Variants in WNT7A observed in about 807,000 individuals in gnomAD.
The protein encoded by WNT7A is Wnt family member 7A, also known as protein Wnt-7a.
Under a neutral mutation model 28.2 loss-of-function variants are expected in WNT7A, and 16 were observed. That is an observed-to-expected ratio of 0.57 (90% confidence interval 0.38 to 0.86). The LOEUF is 0.86. Among genes scored for constraint, WNT7A ranks in the 40% least tolerant of loss-of-function variants. The pLI is 0.00. For synonymous variants in WNT7A, 190 were observed against 195.9 expected (o/e 0.97, Z 0.25); for missense variants, 411 against 489.7 (o/e 0.84, Z 1.52).
intron 2 of WNT7A, among the ~76,000 whole-genome samples, chr3:13,862,881 G>C (rs1694853678): frequency 6.6e-6 from 1 of 152,208 alleles, no homozygotes; most frequent in African/African-American, 2.4e-5. Flanking sequence ...GCCTGCAATT[G>C]TCTTTCTTAT....
At chr3:13,863,913 G>A (rs1694871895) in intron 2 of WNT7A, 1 of 152,184 alleles carries the variant, frequency 6.6e-6, no homozygotes, top group Admixed American at 6.5e-5. Flanking sequence ...TTGGGGAGAG[G>A]AGAGAGCTGC....
chr3:13,832,958 C>T (rs1259056861), intron 3 of WNT7A, among the ~76,000 whole-genome samples: 1 of 152,134 alleles, frequency 6.6e-6, no homozygotes, highest in East Asian at 1.9e-4. Flanking sequence ...GATTCCTCTG[C>T]CTGGCTTTCA....
intron 3 of WNT7A, among the ~76,000 whole-genome samples, chr3:13,844,451 G>C (rs562664300): frequency 6.6e-6 from 1 of 152,312 alleles, no homozygotes; most frequent in East Asian, 1.9e-4. Flanking sequence ...ACCATGGCCT[G>C]GGGAGGCCCT....
At chr3:13,845,559 G>A (rs994313818) in intron 3 of WNT7A, among the ~76,000 whole-genome samples, 4 of 152,202 alleles carry the variant, frequency 2.6e-5, no homozygotes, top group Non-Finnish European at 5.9e-5. Flanking sequence ...TGTCCCTGGA[G>A]AAACTGAGGC....
chr3:13,846,809 C>T (rs2124850519), intron 3 of WNT7A, among the ~76,000 whole-genome samples: 1 of 152,282 alleles, frequency 6.6e-6, no homozygotes, highest in South Asian at 2.1e-4. Context: ...GGCTGCTCCA[C>T]TCATGGCTGA....
intron 3 of WNT7A, among the ~76,000 whole-genome samples, chr3:13,830,470 G>A (rs879353546): frequency 2.0e-5 from 3 of 152,152 alleles, no homozygotes; most frequent in Non-Finnish European, 2.9e-5. Context: ...TGAAACACGG[G>A]TCCATCATCC....
Position 13,854,791 on chromosome 3 carries a change from G to A in WNT7A, c.311C>T (p.Ala104Val), listed in dbSNP as rs1340349343. 1 of 1,612,816 alleles carries A rather than the reference G, an allele frequency of 6.2e-7. No individual in the cohort carries two copies. Among genetic ancestry groups the A allele is most frequent in the Non-Finnish European group, 8.5e-7 (1 of 1,180,038 alleles). The stretch of plus-strand genomic sequence containing the variant: ...GGCAATGATGGCGTAGGTGAACGCA[G>A]CCTCCCGGCTCCCTGCGAGGAGGAG... ...GKELKVGSRE[A>V]AFTYAIIAAG... is the part of the protein sequence containing the mutation. Residue 104 changes from alanine to valine, a missense_variant, in exon 3 of 4, where the codon GCT becomes GTT. Coordinates refer to ENST00000285018, the MANE Select transcript of WNT7A (RefSeq NM_004625.4).
intron 3 of WNT7A, among the ~76,000 whole-genome samples, chr3:13,826,176 G>T (rs757456121): frequency 6.6e-6 from 1 of 152,196 alleles, no homozygotes; most frequent in Admixed American, 6.5e-5. Flanking sequence ...TGCTGCTCCG[G>T]TTTTCTCTGA....
At chr3:13,819,583 C>T (rs1163626033) in intron 3 of WNT7A, among the ~76,000 whole-genome samples, 160 bp from the exon 4 acceptor site, 1 of 150,380 alleles carries the variant, frequency 6.6e-6, no homozygotes, top group Non-Finnish European at 1.5e-5. Context: ...GATTCTAGGC[C>T]CTCTCATTCC....
intron 3 of WNT7A, among the ~76,000 whole-genome samples, chr3:13,829,961 C>T (rs1007534036): frequency 9.9e-5 from 15 of 152,140 alleles, no homozygotes; most frequent in Non-Finnish European, 1.9e-4. Context: ...CTATTGCAAA[C>T]ACCCTCCCAG....
At chr3:13,823,283 C>T (rs888748357) in intron 3 of WNT7A, among the ~76,000 whole-genome samples, 4 of 152,200 alleles carry the variant, frequency 2.6e-5, no homozygotes, top group Non-Finnish European at 4.4e-5. Context: ...CTCTGTGCTT[C>T]AGTGTCAGGA....
chr3:13,869,269 AAAAG>A (rs1195163410), intron 2 of WNT7A, among the ~76,000 whole-genome samples: 1 of 144,012 alleles, frequency 6.9e-6, no homozygotes, highest in Non-Finnish European at 1.5e-5. Context: ...AGGGAGAAAG[AAAAG>A]AAAGGACGAG....
At chr3:13,823,336 C>A (rs1694142570) in intron 3 of WNT7A, among the ~76,000 whole-genome samples, 2 of 152,200 alleles carry the variant, frequency 1.3e-5, no homozygotes, top group Admixed American at 1.3e-4. Flanking sequence ...TGACACGGCT[C>A]CATGCAGCTT....
At chr3:13,832,391 T>C (rs1386064440) in intron 3 of WNT7A, among the ~76,000 whole-genome samples, 1 of 149,582 alleles carries the variant, frequency 6.7e-6, no homozygotes, top group Non-Finnish European at 1.5e-5. Flanking sequence ...CCTCCTCCTC[T>C]ACAGGCTCCT....
chr3:13,854,661 C>T lies in WNT7A; in HGVS notation c.441G>A (p.Trp147Ter), dbSNP rs1483590773. 1 of 1,614,190 alleles carries T rather than the reference C, an allele frequency of 6.2e-7. No homozygotes were observed. Among genetic ancestry groups the T allele is most frequent in the Non-Finnish European group, 8.5e-7 (1 of 1,180,034 alleles). The part of the protein sequence containing the change: ...KQGQYHRDEG[W>*]KWGGCSADIR... ...TGTCGGCAGAGCAGCCACCCCACTT[C>T]CAGCCCTCGTCCCGGTGGTACTGGC... is the stretch of plus-strand genomic sequence containing the variant. The change falls in exon 3 of 4, where the codon TGG (tryptophan) becomes TGA (stop). Residue 147 changes from tryptophan (W) to a stop codon, truncating the protein, a stop_gained. Transcript: ENST00000285018. LOFTEE classifies it high-confidence loss of function.
chr3:13,871,748 CA>C (rs1695029006), intron 2 of WNT7A, among the ~76,000 whole-genome samples: 1 of 152,168 alleles, frequency 6.6e-6, no homozygotes, highest in Non-Finnish European at 1.5e-5. Context: ...TCCAGACCCC[CA>C]CTGCCACCCT....
At chr3:13,873,506 G>C (rs1695056620) in intron 2 of WNT7A, among the ~76,000 whole-genome samples, 1 of 152,096 alleles carries the variant, frequency 6.6e-6, no homozygotes, top group Non-Finnish European at 1.5e-5. Context: ...GTTCTGTAAG[G>C]TGCAAATAAG....
chr3:13,825,536 C>G (rs1319270539), intron 3 of WNT7A, among the ~76,000 whole-genome samples: 1 of 152,224 alleles, frequency 6.6e-6, no homozygotes, highest in Non-Finnish European at 1.5e-5. Flanking sequence ...CCCACCATGG[C>G]TGACTTTAAG....
At chr3:13,839,118 C>T (rs1208502432) in intron 3 of WNT7A, among the ~76,000 whole-genome samples, 1 of 152,158 alleles carries the variant, frequency 6.6e-6, no homozygotes, top group African/African-American at 2.4e-5. Flanking sequence ...TGTCATATGA[C>T]CCATGTGTTT....
Sources: allele counts gnomAD v4.1 joint callset (sites outside exome capture counted in the v4.1 genomes callset), GRCh38; gene constraint gnomAD v4.1.1; transcripts MANE v1.5; gene names NCBI Gene and HGNC (gene_info 2026-07-23, HGNC 2026-07-21).